NKAIN2: variants seen among roughly 807,000 people sequenced by gnomAD.
NKAIN2 encodes sodium/potassium-transporting ATPase subunit beta-1-interacting protein 2.
A neutral mutation model predicts 32.6 loss-of-function variants in NKAIN2; 14 were observed. The observed-to-expected ratio is 0.43, with a 90% CI of 0.28 to 0.67. NKAIN2 has a LOEUF of 0.67. Ranked by LOEUF, NKAIN2 falls within the 30% of genes least tolerant of loss-of-function variation. The pLI, the probability that NKAIN2 is intolerant of heterozygous loss-of-function variation, is 0.17. For synonymous variants in NKAIN2, 80 were observed against 87.2 expected (o/e 0.92, Z 0.46); for missense variants, 198 against 258.3 (o/e 0.77, Z 1.60).
At chr6:124,806,154 C>A (rs1171563589) in intron 5 of NKAIN2, among the ~76,000 whole-genome samples, 2 of 152,022 alleles carry the variant, frequency 1.3e-5, no homozygotes, top group African/African-American at 4.8e-5. Flanking sequence ...CAAAGATACT[C>A]CTCGAGAAGA....
intron 4 of NKAIN2, among the ~76,000 whole-genome samples, chr6:124,715,923 A>AT (rs1458727289): frequency 1.3e-5 from 2 of 152,068 alleles, no homozygotes; most frequent in Non-Finnish European, 2.9e-5. Flanking sequence ...TCTACTACAT[A>AT]TTTTCACTCC....
At chr6:124,515,708 T>TCTTTCCC (rs1778884180) in intron 3 of NKAIN2, among the ~76,000 whole-genome samples, 1 of 3,438 alleles carries the variant, frequency 2.9e-4, no homozygotes, top group Non-Finnish European at 0.011. Flanking sequence ...TTTTCTTCGC[T>TCTTTCCC]TTCTCTCCGT....
intron 4 of NKAIN2, among the ~76,000 whole-genome samples, chr6:124,709,539 G>A (rs1291375320): frequency 7.3e-5 from 11 of 150,966 alleles, no homozygotes; most frequent in South Asian, 4.2e-4. Flanking sequence ...TCTATTCAGA[G>A]ATTCAACTTC....
chr6:124,298,492 C>T (rs541742480), intron 2 of NKAIN2, among the ~76,000 whole-genome samples: 150 of 152,170 alleles, frequency 9.9e-4, no homozygotes, highest in African/African-American at 3.3e-3. Flanking sequence ...GAAACTGCTG[C>T]GCTAAAGATG....
At chr6:123,998,829 A>C (rs1251670459) in intron 1 of NKAIN2, among the ~76,000 whole-genome samples, 1 of 149,276 alleles carries the variant, frequency 6.7e-6, no homozygotes, top group South Asian at 2.1e-4. Context: ...ATATATATAT[A>C]TGGTGATGGT....
At chr6:124,073,017 G>T (rs1447034510) in intron 1 of NKAIN2, among the ~76,000 whole-genome samples, 1 of 152,188 alleles carries the variant, frequency 6.6e-6, no homozygotes, top group Non-Finnish European at 1.5e-5. Context: ...CTGAAATGGA[G>T]ATTTGCTTGC....
intron 1 of NKAIN2, among the ~76,000 whole-genome samples, chr6:124,171,915 C>T (rs1013620643): frequency 6.8e-6 from 1 of 148,096 alleles, no homozygotes; most frequent in Non-Finnish European, 1.5e-5. Flanking sequence ...GGCATGATCT[C>T]CACTCACTTG....
intron 4 of NKAIN2, among the ~76,000 whole-genome samples, chr6:124,784,943 C>T (rs1779432887): frequency 6.6e-6 from 1 of 152,088 alleles, no homozygotes; most frequent in Non-Finnish European, 1.5e-5. Context: ...GTTTGTGGTT[C>T]ACTAAGCTTT....
chr6:124,190,719 A>T (rs960222250), intron 1 of NKAIN2, among the ~76,000 whole-genome samples: 3 of 152,220 alleles, frequency 2.0e-5, no homozygotes, highest in Admixed American at 6.5e-5. Context: ...TTCTAAGATG[A>T]CAGGGTGTTA....
intron 4 of NKAIN2, among the ~76,000 whole-genome samples, chr6:124,693,726 T>C (rs1417477487): frequency 6.6e-6 from 1 of 152,138 alleles, no homozygotes; most frequent in Non-Finnish European, 1.5e-5. Flanking sequence ...GGCATTTGTG[T>C]GGCTGGAGCA....
intron 1 of NKAIN2, among the ~76,000 whole-genome samples, chr6:124,014,359 G>A (rs1282472663): frequency 4.6e-5 from 7 of 151,858 alleles, no homozygotes; most frequent in African/African-American, 1.5e-4. Context: ...ATTGTAACTG[G>A]CCATTAGTCT....
At chr6:124,681,019 T>C (rs1487122155) in intron 4 of NKAIN2, among the ~76,000 whole-genome samples, 1 of 151,984 alleles carries the variant, frequency 6.6e-6, no homozygotes, top group Non-Finnish European at 1.5e-5. Context: ...TTCTAAATAT[T>C]ACTTTCAGGA....
intron 3 of NKAIN2, chr6:124,390,815 T>G (rs999157098): frequency 1.3e-5 from 2 of 152,120 alleles, no homozygotes; most frequent in Non-Finnish European, 2.9e-5. Context: ...ATCCAGAATT[T>G]CAGTCTACAG....
intron 1 of NKAIN2, among the ~76,000 whole-genome samples, chr6:123,990,666 A>G (rs184011944): frequency 1.3e-5 from 2 of 152,146 alleles, no homozygotes; most frequent in South Asian, 2.1e-4. Flanking sequence ...GACACTTTGC[A>G]TATGTCTGGT....
intron 1 of NKAIN2, among the ~76,000 whole-genome samples, chr6:123,885,065 T>C (rs1773649672): frequency 6.6e-6 from 1 of 152,182 alleles, no homozygotes; most frequent in South Asian, 2.1e-4. Context: ...AGTAATAATA[T>C]ACTCACAAAT....
At chr6:124,382,647 T>C (rs907408601) in intron 3 of NKAIN2, among the ~76,000 whole-genome samples, 2 of 152,124 alleles carry the variant, frequency 1.3e-5, no homozygotes, top group Non-Finnish European at 1.5e-5. Flanking sequence ...ATATCCCACA[T>C]ACAAAGTAAG....
intron 4 of NKAIN2, among the ~76,000 whole-genome samples, chr6:124,779,310 GGGAGGGAGGGAAGGAAGGAA>G (rs765080471): frequency 0.013 from 1,270 of 95,606 alleles, 28 homozygotes; most frequent in Admixed American, 0.028. Context: ...GAGGGAGGGA[GGGAGGGAGGGAAGGAAGGAA>G]GGAAGGAAGG....
chr6:124,780,983 A>G (rs563726675), intron 4 of NKAIN2, among the ~76,000 whole-genome samples: 2 of 152,306 alleles, frequency 1.3e-5, no homozygotes, highest in Admixed American at 6.5e-5. Context: ...CTGGTAGCTG[A>G]GCCACTTTGT....
At chr6:124,275,986 G>A (rs546862259) in intron 1 of NKAIN2, among the ~76,000 whole-genome samples, 32 of 151,894 alleles carry the variant, frequency 2.1e-4, no homozygotes, top group Non-Finnish European at 3.7e-4. Context: ...TTAGTGGGCC[G>A]CCTGTAGTCA....
Sources: allele counts gnomAD v4.1 joint callset (sites outside exome capture counted in the v4.1 genomes callset), GRCh38; gene constraint gnomAD v4.1.1; transcripts MANE v1.5; gene names NCBI Gene and HGNC (gene_info 2026-07-23, HGNC 2026-07-21).